The following DCLK1 variants were observed in gnomAD, a reference collection of about 807,000 sequenced individuals.
DCLK1 encodes serine/threonine-protein kinase DCLK1.
DCLK1 carries 16 observed loss-of-function variants against 86.2 expected under a neutral mutation model. That is an observed-to-expected ratio of 0.19 (90% confidence interval 0.13 to 0.28). The LOEUF is 0.28. Ranked by LOEUF, DCLK1 falls within the 10% of genes least tolerant of loss-of-function variation. The probability of loss-of-function intolerance (pLI) is 1.00; values close to 1 mark genes in which losing one functional copy is unlikely to be tolerated. For synonymous variants in DCLK1, 369 were observed against 370.5 expected (o/e 1.00, Z 0.05); for missense variants, 590 against 940.2 (o/e 0.63, Z 4.87).
At chr13:35,894,247 T>C (rs1217207076) in intron 4 of DCLK1, among the ~76,000 whole-genome samples, 2 of 152,162 alleles carry the variant, frequency 1.3e-5, no homozygotes, top group Non-Finnish European at 2.9e-5. Context: ...CCTTACTATT[T>C]AATGCTAAGA....
rs899361438 is a variant in DCLK1 at position 36,112,098 on chromosome 13, G to A, written c.494C>T (p.Ser165Leu). Residue 165 changes from serine (S) to leucine (L), a missense_variant, in exon 3 of 17, where the codon TCA (serine) becomes TTA (leucine). Physicochemically the swap from Ser to Leu is moderately radical, Grantham distance 145. Around this residue, in one of 6 missense-constraint regions of DCLK1, gnomAD observed 195 missense variants for 365.1 expected, o/e 0.53. Coordinates refer to ENST00000360631, the MANE Select transcript of DCLK1 (RefSeq NM_001330071.2). ...KTTSASRAVS[S>L]LATAKGSPSE... is the part of the protein sequence containing the mutation. ...AGGGCTTCCTTTGGCAGTGGCCAGT[G>A]AAGACACTGCCCGAGAAGCCGAGGT... The A allele has an allele frequency of 2.5e-6, 4 of 1,614,112 alleles. No individual in the cohort carries two copies. The highest frequency in any genetic ancestry group is 3.4e-6 in the Non-Finnish European group (4 of 1,179,992).
intron 3 of DCLK1, among the ~76,000 whole-genome samples, chr13:35,980,078 A>G (rs993108836): frequency 6.6e-6 from 1 of 152,214 alleles, no homozygotes; most frequent in Non-Finnish European, 1.5e-5. Context: ...TGCTACGAAC[A>G]TTCACATTGT....
Position 35,822,788 on chromosome 13 carries a change from T to C in DCLK1, c.1495A>G (p.Ile499Val). The change falls in exon 11 of 17, where the codon ATC (isoleucine) becomes GTC (valine). Residue 499 changes from isoleucine (I) to valine (V), a missense_variant. Physicochemically the swap from Ile to Val is conservative, Grantham distance 29. Around this residue, in one of 6 missense-constraint regions of DCLK1, gnomAD observed 108 missense variants for 195.7 expected, o/e 0.55. Transcript: ENST00000360631. Reference protein sequence around the residue: ...SGMLYNLASAIKYLHSLNIVH... With the variant: ...SGMLYNLASAVKYLHSLNIVH... ...ATGTTCAGGCTATGCAGGTATTTGATGGCGCTGGCTAGGTTGTACAGCATC... is the reference window on the plus strand; with the variant it reads ...ATGTTCAGGCTATGCAGGTATTTGACGGCGCTGGCTAGGTTGTACAGCATC... 2 of 1,613,962 alleles carry C rather than the reference T, an allele frequency of 1.2e-6. No individual in the cohort carries two copies. Among genetic ancestry groups the C allele is most frequent in the Non-Finnish European group, 1.7e-6 (2 of 1,179,992 alleles).
intron 3 of DCLK1, among the ~76,000 whole-genome samples, chr13:36,082,635 C>T (rs986093178): frequency 5.3e-5 from 8 of 152,182 alleles, no homozygotes; most frequent in Non-Finnish European, 1.2e-4. Flanking sequence ...ACCAACTCCT[C>T]TCCTCCAACA....
At chr13:36,018,354 T>C (rs1010644267) in intron 3 of DCLK1, among the ~76,000 whole-genome samples, 1 of 152,244 alleles carries the variant, frequency 6.6e-6, no homozygotes, top group Admixed American at 6.5e-5. Context: ...ATTTGATTTA[T>C]GGCATAAAAT....
At chr13:35,915,244 A>G (rs1217982281) in intron 4 of DCLK1, among the ~76,000 whole-genome samples, 2 of 152,238 alleles carry the variant, frequency 1.3e-5, no homozygotes, top group Non-Finnish European at 2.9e-5. Flanking sequence ...CAATAGTTCT[A>G]GGTCAATACT....
At chr13:35,784,027 T>G (rs1370562102) in intron 16 of DCLK1, among the ~76,000 whole-genome samples, 1 of 152,244 alleles carries the variant, frequency 6.6e-6, no homozygotes, top group African/African-American at 2.4e-5. Flanking sequence ...TATGATTTCC[T>G]GTGCATTTAT....
chr13:36,093,522 T>G (rs562733334), intron 3 of DCLK1, among the ~76,000 whole-genome samples: 5 of 152,316 alleles, frequency 3.3e-5, no homozygotes, highest in African/African-American at 1.2e-4. Context: ...CATAAATTCT[T>G]TTAATGAACA....
intron 16 of DCLK1, among the ~76,000 whole-genome samples, chr13:35,791,176 T>A (rs1299696578): frequency 6.6e-6 from 1 of 151,914 alleles, no homozygotes; most frequent in Non-Finnish European, 1.5e-5. Context: ...TGCTGATAGT[T>A]AACATATGAA....
chr13:35,880,475 T>A (rs1445441958), intron 4 of DCLK1, among the ~76,000 whole-genome samples: 2 of 152,206 alleles, frequency 1.3e-5, no homozygotes, highest in African/African-American at 2.4e-5. Flanking sequence ...TGTTCCTCAC[T>A]ATTTTGGATT....
At chr13:35,882,168 C>T (rs1166090218) in intron 4 of DCLK1, among the ~76,000 whole-genome samples, 1 of 152,134 alleles carries the variant, frequency 6.6e-6, no homozygotes, top group Non-Finnish European at 1.5e-5. Context: ...CTTATAGTTT[C>T]TGGTGACTCC....
chr13:36,122,977 G>A (rs1886046206), intron 2 of DCLK1, among the ~76,000 whole-genome samples: 1 of 152,184 alleles, frequency 6.6e-6, no homozygotes, highest in South Asian at 2.1e-4. Flanking sequence ...CCACAAGACT[G>A]TCATAGATAA....
intron 11 of DCLK1, among the ~76,000 whole-genome samples, chr13:35,813,423 C>T (rs898490271): frequency 6.6e-6 from 1 of 152,104 alleles, no homozygotes; most frequent in Non-Finnish European, 1.5e-5. Context: ...TGTAATTCTC[C>T]TATATGTAGG....
chr13:35,899,842 G>A (rs909083713), intron 4 of DCLK1, among the ~76,000 whole-genome samples: 4 of 152,026 alleles, frequency 2.6e-5, no homozygotes, highest in Non-Finnish European at 4.4e-5. Context: ...CAAAAAGAAC[G>A]CTATTGGTAA....
At chr13:35,940,481 T>C (rs1877025496) in intron 4 of DCLK1, among the ~76,000 whole-genome samples, 1 of 152,146 alleles carries the variant, frequency 6.6e-6, no homozygotes, top group South Asian at 2.1e-4. Flanking sequence ...GGAGGTGTGG[T>C]CTTTGTCCTG....
chr13:36,094,758 C>T (rs1469439909), intron 3 of DCLK1, among the ~76,000 whole-genome samples: 1 of 152,152 alleles, frequency 6.6e-6, no homozygotes, highest in African/African-American at 2.4e-5. Context: ...CCCTGGAGAG[C>T]ATCTGCTGTG....
At chr13:35,829,967 C>T (rs1044674470) in intron 8 of DCLK1, among the ~76,000 whole-genome samples, 2 of 152,184 alleles carry the variant, frequency 1.3e-5, no homozygotes, top group African/African-American at 4.8e-5. Flanking sequence ...GGATGTGAGC[C>T]AGGCTGTGGC....
At chr13:36,014,097 G>A (rs1423180035) in intron 3 of DCLK1, among the ~76,000 whole-genome samples, 3 of 152,114 alleles carry the variant, frequency 2.0e-5, no homozygotes, top group Non-Finnish European at 4.4e-5. Flanking sequence ...ACTGGCCTGC[G>A]CCCACTGTCT....
intron 3 of DCLK1, among the ~76,000 whole-genome samples, chr13:35,959,261 C>A (rs1878316264): frequency 6.6e-6 from 1 of 152,138 alleles, no homozygotes; most frequent in African/African-American, 2.4e-5. Context: ...TGGTTTCCAT[C>A]TCCCCACAAA....
Sources: gnomAD v4.1 joint callset for allele counts (sites outside exome capture counted in the v4.1 genomes callset) on GRCh38, gnomAD v4.1.1 for gene constraint, gnomAD v4.1.1 regional missense constraint, MANE v1.5 for transcripts, NCBI Gene and HGNC (gene_info 2026-07-23, HGNC 2026-07-21) for gene names.